SLC35D4: variants seen among roughly 807,000 people sequenced by gnomAD.
SLC35D4 encodes the protein UDP-N-acetylglucosamine transporter SLC35D4.
chr18:23,353,843 C>T, the SLC35D4 span, among the ~76,000 whole-genome samples: 14 of 152,266 alleles, frequency 9.2e-5, no homozygotes, highest in African/African-American at 2.9e-4. Flanking sequence ...ACCTTTTTGT[C>T]TCAGGTTCAG....
the SLC35D4 span, among the ~76,000 whole-genome samples, chr18:23,288,532 C>G: frequency 6.6e-6 from 1 of 151,850 alleles, no homozygotes; most frequent in African/African-American, 2.4e-5. Flanking sequence ...CCCTTCCCTA[C>G]GCATCAAGCT....
the SLC35D4 span, among the ~76,000 whole-genome samples, chr18:23,294,559 A>C: frequency 6.6e-6 from 1 of 152,200 alleles, no homozygotes; most frequent in Non-Finnish European, 1.5e-5. Context: ...TTTTAAGAAC[A>C]ACAGGCAGGG....
the SLC35D4 span, among the ~76,000 whole-genome samples, chr18:23,282,301 TCCTTCA>T: frequency 6.6e-6 from 1 of 152,076 alleles, no homozygotes; most frequent in South Asian, 2.1e-4. Context: ...GCAGGGGAGT[TCCTTCA>T]GACTCCCCCC....
At chr18:23,276,757 TGAGG>T in the SLC35D4 span, among the ~76,000 whole-genome samples, 5 of 152,352 alleles carry the variant, frequency 3.3e-5, no homozygotes, top group African/African-American at 1.2e-4. Context: ...GCCTGGTTAC[TGAGG>T]GAGGGACCCG....
the SLC35D4 span, among the ~76,000 whole-genome samples, chr18:23,367,801 G>C: frequency 6.6e-6 from 1 of 151,106 alleles, no homozygotes; most frequent in Non-Finnish European, 1.5e-5. Context: ...CTGTTGCCCA[G>C]GCTGGAGTGC....
At chr18:23,425,174 C>A in the SLC35D4 span, among the ~76,000 whole-genome samples, 2 of 152,144 alleles carry the variant, frequency 1.3e-5, no homozygotes, top group African/African-American at 4.8e-5. Flanking sequence ...GATCTCAGTT[C>A]ATTGCAACCT....
At chr18:23,280,868 C>T in the SLC35D4 span, among the ~76,000 whole-genome samples, 14 of 152,190 alleles carry the variant, frequency 9.2e-5, no homozygotes, top group South Asian at 2.9e-3. Context: ...TTCTGGAGCT[C>T]CCTCACCTAT....
the SLC35D4 span, among the ~76,000 whole-genome samples, chr18:23,418,014 A>G: frequency 2.0e-5 from 3 of 152,188 alleles, no homozygotes. Flanking sequence ...CTGTATCCCT[A>G]TTTGTTTAAA....
the SLC35D4 span, among the ~76,000 whole-genome samples, chr18:23,352,451 T>A: frequency 4.6e-5 from 7 of 152,240 alleles, no homozygotes; most frequent in African/African-American, 9.6e-5. Context: ...ATAAAAAAAA[T>A]TTTAAAGTCA....
At chr18:23,412,256 T>C in the SLC35D4 span, among the ~76,000 whole-genome samples, 3 of 151,998 alleles carry the variant, frequency 2.0e-5, no homozygotes, top group Non-Finnish European at 4.4e-5. Flanking sequence ...GAGGTGGAGG[T>C]TGCAGAGCCA....
the SLC35D4 span, chr18:23,371,320 C>G: frequency 1.1e-6 from 1 of 945,474 alleles, no homozygotes; most frequent in African/African-American, 1.7e-5. Flanking sequence ...GTCTTCCATT[C>G]CTGGGCCCAA....
chr18:23,247,080 A>G, the SLC35D4 span, among the ~76,000 whole-genome samples: 1 of 152,240 alleles, frequency 6.6e-6, no homozygotes, highest in Non-Finnish European at 1.5e-5. Flanking sequence ...AGAAAGAATG[A>G]GTGGCTGAGG....
chr18:23,409,998 A>G, the SLC35D4 span, among the ~76,000 whole-genome samples: 1 of 152,106 alleles, frequency 6.6e-6, no homozygotes, highest in Non-Finnish European at 1.5e-5. Flanking sequence ...ATGGGATGAC[A>G]TGTGTAGGTT....
At chr18:23,252,919 C>A in the SLC35D4 span, 3 of 1,360,078 alleles carry the variant, frequency 2.2e-6, no homozygotes, top group Non-Finnish European at 3.2e-6. Context: ...ACATACGACC[C>A]TTGTTTTAAG....
chr18:23,287,420 T>C, the SLC35D4 span, among the ~76,000 whole-genome samples: 20 of 152,330 alleles, frequency 1.3e-4, no homozygotes, highest in South Asian at 3.9e-3. Flanking sequence ...GCTGCAAAGC[T>C]TCACAGACAG....
At chr18:23,303,603 T>G in the SLC35D4 span, among the ~76,000 whole-genome samples, 1 of 152,202 alleles carries the variant, frequency 6.6e-6, no homozygotes, top group African/African-American at 2.4e-5. Flanking sequence ...GAGAAAGATA[T>G]TGTCAAGAAT....
At chr18:23,315,894 C>T in the SLC35D4 span, among the ~76,000 whole-genome samples, 375 of 152,282 alleles carry the variant, frequency 2.5e-3, 3 homozygotes, top group African/African-American at 8.6e-3. Flanking sequence ...AAGGAAGGAA[C>T]ATTTTATTGG....
chr18:23,267,740 G>T, the SLC35D4 span, among the ~76,000 whole-genome samples: 2 of 151,890 alleles, frequency 1.3e-5, no homozygotes, highest in Non-Finnish European at 2.9e-5. Flanking sequence ...GCTCCCTTAG[G>T]TCCTCAGCCA....
At chr18:23,294,866 A>T in the SLC35D4 span, among the ~76,000 whole-genome samples, 1 of 152,212 alleles carries the variant, frequency 6.6e-6, no homozygotes, top group Non-Finnish European at 1.5e-5. Flanking sequence ...GAACTATTTG[A>T]AAAAGGATCT....
Sources: allele counts gnomAD v4.1 joint callset (sites outside exome capture counted in the v4.1 genomes callset), GRCh38; gene constraint gnomAD v4.1.1; transcripts MANE v1.5; gene names NCBI Gene and HGNC (gene_info 2026-07-23, HGNC 2026-07-21).